The following ZNF569 variants were observed in gnomAD, a reference collection of about 807,000 sequenced individuals.
ZNF569 encodes zinc finger protein 569, also known as DNA-binding protein.
Under a neutral mutation model 56.3 loss-of-function variants are expected in ZNF569, and 38 were observed. That is an observed-to-expected ratio of 0.68 (90% CI 0.52 to 0.88). The LOEUF is 0.88. ZNF569 is among the 40% of genes least tolerant of loss of function. ZNF569 has a pLI of 0.00. For missense variants in ZNF569, 666 were observed against 809.2 expected (o/e 0.82, Z 2.15); for synonymous variants, 241 against 262.9 (o/e 0.92, Z 0.81).
At chr19:37,436,532 A>G (rs1340935933) in intron 3 of ZNF569, among the ~76,000 whole-genome samples, 1 of 151,988 alleles carries the variant, frequency 6.6e-6, no homozygotes, top group East Asian at 1.9e-4. Context: ...AAAGATTAAC[A>G]AAATAAAAAA....
rs1010809543 is a variant in ZNF569 at position 37,467,147 on chromosome 19, G to A, written c.-268C>T. ...ACGCTGCCAAAGTGGCAGAGCCGGC[G>A]CGGGCTGGGACAGAGGCGGCACTGA... On this transcript the variant is annotated 5_prime_UTR_variant, in exon 1 of 6. Transcript: ENST00000316950. The A allele has an allele frequency of 6.6e-6, 1 of 152,278 alleles. No individual in the cohort carries two copies. Among genetic ancestry groups the A allele is most frequent in the Non-Finnish European group, 1.5e-5 (1 of 68,120 alleles). The allele number at this position is 152,278 out of a possible 1,614,324, so 9.4% of individuals were successfully genotyped here. A position where few individuals can be genotyped will look rare whatever the true frequency, so the allele number is the denominator to read the frequency against.
intron 3 of ZNF569, among the ~76,000 whole-genome samples, chr19:37,438,639 T>C (rs2041352318): frequency 6.6e-6 from 1 of 152,170 alleles, no homozygotes; most frequent in South Asian, 2.1e-4. Flanking sequence ...GACCTCAAAC[T>C]ATGAAACGAC....
chr19:37,444,824 T>C (rs950211043), intron 3 of ZNF569, 83 bp downstream of exon 3: 10 of 1,103,890 alleles, frequency 9.1e-6, no homozygotes, highest in Non-Finnish European at 1.1e-5. Context: ...CAGACCTTTA[T>C]AATTTACTGT....
intron 3 of ZNF569, among the ~76,000 whole-genome samples, chr19:37,426,915 G>T (rs2041142244): frequency 6.6e-6 from 1 of 152,172 alleles, no homozygotes; most frequent in African/African-American, 2.4e-5. Flanking sequence ...CTGGAAAAGG[G>T]GCCACAGATA....
At chr19:37,422,224 T>TA (rs2041050236) in intron 5 of ZNF569, among the ~76,000 whole-genome samples, 1 of 152,182 alleles carries the variant, frequency 6.6e-6, no homozygotes. Flanking sequence ...CTTGAACACT[T>TA]AGAGGTCATT....
chr19:37,427,828 C>T (rs78055501), intron 3 of ZNF569: 205 of 516,286 alleles, frequency 4.0e-4, no homozygotes, highest in Non-Finnish European at 5.8e-5. Flanking sequence ...CTGGATAAAG[C>T]ATTTGGTGAG....
Position 37,413,193 on chromosome 19 carries a change from A to C in ZNF569, c.1465T>G (p.Ser489Ala), listed in dbSNP as rs2040868272. Reference protein sequence around the residue: ...SNLIAHEKIHSGEKPYECNEC... With the variant: ...SNLIAHEKIHAGEKPYECNEC... The stretch of plus-strand genomic sequence containing the variant: ...TTGCATTCATAGGGTTTCTCTCCAG[A>C]ATGAATTTTTTCATGAGCAATGAGA... The change falls in exon 6 of 6, where the codon TCT becomes GCT. Residue 489 changes from serine (S) to alanine (A), a missense_variant. Coordinates refer to ENST00000316950, the MANE Select transcript of ZNF569 (RefSeq NM_152484.3). The C allele has an allele frequency of 1.2e-6, 2 of 1,605,076 alleles. No homozygotes were observed. The highest frequency in any genetic ancestry group is 1.7e-6 in the Non-Finnish European group (2 of 1,177,052).
chr19:37,424,685 GC>G (rs1165958673), intron 5 of ZNF569, among the ~76,000 whole-genome samples: 3 of 151,578 alleles, frequency 2.0e-5, no homozygotes, highest in African/African-American at 7.3e-5. Context: ...GCATGGTGGT[GC>G]ATGCCTATAG....
At chr19:37,444,798 A>G in intron 3 of ZNF569, 109 bp downstream of exon 3, 1 of 789,804 alleles carries the variant, frequency 1.3e-6, no homozygotes, top group Non-Finnish European at 2.0e-6. Context: ...TCCCCTGAAA[A>G]TATGTTTTAT....
chr19:37,425,699 A>G, intron 5 of ZNF569, 169 bp downstream of exon 5: 2 of 534,790 alleles, frequency 3.7e-6, no homozygotes, highest in Non-Finnish European at 6.7e-6. Flanking sequence ...TCCTGGACTC[A>G]AGCAATCCTT....
At position 37,430,240 on chromosome 19, in the gene ZNF569, A is replaced by G. The variant is rs575141788; in HGVS notation, c.16-3862T>C. 1.2e-4 allele frequency among the ~76,000 whole-genome samples: 19 copies of G among 152,230 alleles called. No individual in the cohort carries two copies. The South Asian group carries it at 3.9e-3, about 32-fold the overall frequency. ...AGACTCAGAAATGTGAGCTAGAGCAATAAGTGCATTAACATATGCATAATT... is the reference window on the plus strand; with the variant it reads ...AGACTCAGAAATGTGAGCTAGAGCAGTAAGTGCATTAACATATGCATAATT... On this transcript the variant is annotated intron_variant, in intron 3 of 5. Coordinates refer to ENST00000316950, the MANE Select transcript of ZNF569 (RefSeq NM_152484.3).
intron 2 of ZNF569, chr19:37,454,794 T>C: frequency 1.4e-6 from 1 of 699,938 alleles, no homozygotes; most frequent in Non-Finnish European, 2.6e-6. Context: ...ATTCACACTT[T>C]AAAAATTTGT....
chr19:37,414,200 T>C lies in ZNF569; in HGVS notation c.458A>G (p.His153Arg). 1 of 1,613,252 alleles carries C rather than the reference T, an allele frequency of 6.2e-7. No individual in the cohort carries two copies. The highest frequency in any genetic ancestry group is 8.5e-7 in the Non-Finnish European group (1 of 1,179,696). ...TCTCATAAGGCATTTCACATTATTA[T>C]GACAGTCAAAATTATGTTCTAAACA... ...GKCLEHNFDC[H>R]NNVKCLMRKE... The change falls in exon 6 of 6, where the codon CAT becomes CGT. Residue 153 changes from histidine (H) to arginine (R), a missense_variant. Coordinates refer to ENST00000316950, the MANE Select transcript of ZNF569 (RefSeq NM_152484.3).
intron 5 of ZNF569, among the ~76,000 whole-genome samples, chr19:37,420,178 C>T (rs150490086): frequency 2.0e-5 from 3 of 151,726 alleles, no homozygotes; most frequent in East Asian, 1.9e-4. Flanking sequence ...TTAGTAGAGA[C>T]GGGGTTTCAC....
chr19:37,424,248 A>AAGTTT, intron 5 of ZNF569, among the ~76,000 whole-genome samples: 1 of 152,344 alleles, frequency 6.6e-6, no homozygotes, highest in South Asian at 2.1e-4. Flanking sequence ...TATAAATGTC[A>AAGTTT]GTAGGTTTGA....
upstream of ZNF569, chr19:37,467,588 T>G: frequency 2.1e-6 from 1 of 469,424 alleles, no homozygotes; most frequent in East Asian, 3.5e-5. Context: ...TAGTTCCGTC[T>G]TTTTGGGTCT....
intron 2 of ZNF569, among the ~76,000 whole-genome samples, chr19:37,464,260 G>A (rs918497646): frequency 1.6e-4 from 24 of 152,150 alleles, no homozygotes; most frequent in African/African-American, 5.8e-4. Flanking sequence ...CGCAATCTCA[G>A]CTCAATGCAA....
chr19:37,466,715 T>C (rs2041845043), intron 1 of ZNF569: 1 of 152,254 alleles, frequency 6.6e-6, no homozygotes, highest in African/African-American at 2.4e-5. Flanking sequence ...GTCTCACACA[T>C]CTACACCCAC....
intron 2 of ZNF569, among the ~76,000 whole-genome samples, chr19:37,445,181 T>C (rs1026142787): frequency 3.3e-5 from 5 of 152,180 alleles, no homozygotes; most frequent in Non-Finnish European, 7.3e-5. Flanking sequence ...CAGGGGTGCG[T>C]ATGTGGGAGC....
Sources: gnomAD v4.1 joint callset for allele counts (sites outside exome capture counted in the v4.1 genomes callset) on GRCh38, gnomAD v4.1.1 for gene constraint, MANE v1.5 for transcripts, NCBI Gene and HGNC (gene_info 2026-07-23, HGNC 2026-07-21) for gene names.